KHDRBS2: variants seen among roughly 807,000 people sequenced by gnomAD.
KHDRBS2 encodes the protein KH RNA binding domain containing, signal transduction associated 2.
A neutral mutation model predicts 44.3 loss-of-function variants in KHDRBS2; 26 were observed. That is an observed-to-expected ratio of 0.59 (90% CI 0.43 to 0.81). KHDRBS2 has a LOEUF of 0.81. Among genes scored for constraint, KHDRBS2 ranks in the 40% least tolerant of loss-of-function variants. The probability of loss-of-function intolerance (pLI) is 0.00; values close to 1 mark genes in which losing one functional copy is unlikely to be tolerated. For synonymous variants in KHDRBS2, 194 were observed against 151.1 expected, an observed-to-expected ratio of 1.28 and a Z score of -2.08; for missense variants, 476 against 433.1, an observed-to-expected ratio of 1.10 and a Z score of -0.88.
chr6:62,174,013 C>T (rs1820602015), intron 2 of KHDRBS2, among the ~76,000 whole-genome samples: 1 of 151,784 alleles, frequency 6.6e-6, no homozygotes, highest in Admixed American at 6.6e-5. Context: ...CAGTGACACC[C>T]TCTCTCACTA....
At chr6:61,776,430 C>CA (rs1299236693) in intron 6 of KHDRBS2, among the ~76,000 whole-genome samples, 31 of 151,728 alleles carry the variant, frequency 2.0e-4, no homozygotes, top group Admixed American at 8.5e-4. Flanking sequence ...ACAATGAACT[C>CA]AAACAAATTT....
At chr6:62,133,291 C>A (rs1810766080) in intron 2 of KHDRBS2, among the ~76,000 whole-genome samples, 1 of 152,102 alleles carries the variant, frequency 6.6e-6, no homozygotes, top group African/African-American at 2.4e-5. Context: ...ATCATGGGGG[C>A]AGCTTTCCCC....
intron 6 of KHDRBS2, among the ~76,000 whole-genome samples, chr6:61,859,033 C>T (rs562692493): frequency 6.6e-6 from 1 of 151,854 alleles, no homozygotes; most frequent in African/African-American, 2.4e-5. Flanking sequence ...GGTGAAAGCT[C>T]TTTTACATTG....
the KHDRBS2 span, among the ~76,000 whole-genome samples, chr6:61,624,079 C>T: frequency 1.2e-4 from 18 of 152,208 alleles, no homozygotes; most frequent in South Asian, 4.1e-4. Flanking sequence ...GTAGAAGTAG[C>T]AGAAAGACAT....
chr6:62,039,489 C>T (rs983389454), intron 3 of KHDRBS2, among the ~76,000 whole-genome samples: 2 of 151,734 alleles, frequency 1.3e-5, no homozygotes, highest in Non-Finnish European at 2.9e-5. Context: ...TATTTCTAAA[C>T]TTAATTGCCT....
At chr6:61,852,087 T>C (rs1227985496) in intron 6 of KHDRBS2, among the ~76,000 whole-genome samples, 2 of 151,780 alleles carry the variant, frequency 1.3e-5, no homozygotes, top group East Asian at 3.9e-4. Flanking sequence ...CTGAGCATAG[T>C]AGTGGATGCC....
chr6:62,272,421 A>G (rs1840239544), intron 1 of KHDRBS2, among the ~76,000 whole-genome samples: 1 of 152,212 alleles, frequency 6.6e-6, no homozygotes, highest in African/African-American at 2.4e-5. Flanking sequence ...AGACCTATGT[A>G]GCAGGCTGAG....
the KHDRBS2 span, among the ~76,000 whole-genome samples, chr6:61,628,208 G>GC: frequency 9.2e-6 from 1 of 108,832 alleles, no homozygotes; most frequent in Non-Finnish European, 1.7e-5. Flanking sequence ...TACATGTGTA[G>GC]CCTTTTTTTT....
chr6:61,586,506 T>G, the KHDRBS2 span, among the ~76,000 whole-genome samples: 1,781 of 152,262 alleles, frequency 0.012, 35 homozygotes, highest in African/African-American at 0.041. Flanking sequence ...TGTCCAAGAC[T>G]TTTGTGTTAA....
intron 3 of KHDRBS2, among the ~76,000 whole-genome samples, chr6:62,037,243 G>A (rs540338994): frequency 4.0e-5 from 6 of 151,820 alleles, no homozygotes; most frequent in Non-Finnish European, 7.4e-5. Flanking sequence ...GGATATGTCT[G>A]TTTTTTAATG....
At chr6:61,781,872 A>C (rs895270782) in intron 6 of KHDRBS2, among the ~76,000 whole-genome samples, 1 of 152,186 alleles carries the variant, frequency 6.6e-6, no homozygotes, top group Admixed American at 6.6e-5. Context: ...TGCATGACAG[A>C]AAGAGAAATG....
chr6:61,721,895 G>T lies in KHDRBS2; in HGVS notation c.893+10787C>A, dbSNP rs1165808420. Among the ~76,000 whole-genome samples the T allele has an allele frequency of 1.2e-4, 18 of 145,252 alleles. 1 individual carries two copies. Among genetic ancestry groups the T allele is most frequent in the Admixed American group, 2.1e-4 (3 of 14,100 alleles). ...AATACTTCCAGTTTTTGCCCATTCAGTATGATATTGGCTGTGGGTCTGTCA... is the reference window on the plus strand; with the variant it reads ...AATACTTCCAGTTTTTGCCCATTCATTATGATATTGGCTGTGGGTCTGTCA... On this transcript the variant is annotated intron_variant, in intron 7 of 8. Coordinates refer to ENST00000281156, the MANE Select transcript of KHDRBS2 (RefSeq NM_152688.4).
At chr6:61,711,470 T>TA (rs200386351) in intron 7 of KHDRBS2, among the ~76,000 whole-genome samples, 4,100 of 151,914 alleles carry the variant, frequency 0.027, 79 homozygotes, top group Middle Eastern at 0.082. Context: ...AGGTTTAGGT[T>TA]AAAAAAATCA....
At chr6:61,859,429 G>A (rs1375578499) in intron 6 of KHDRBS2, among the ~76,000 whole-genome samples, 2 of 151,612 alleles carry the variant, frequency 1.3e-5, no homozygotes, top group South Asian at 4.2e-4. Context: ...AGATAAACAC[G>A]ACAAAAATAA....
chr6:61,613,525 A>G, the KHDRBS2 span, among the ~76,000 whole-genome samples: 1 of 152,154 alleles, frequency 6.6e-6, no homozygotes, highest in Non-Finnish European at 1.5e-5. Context: ...ATTAGGTCTC[A>G]TATCTGTCCA....
At chr6:62,279,176 G>A (rs557999383) in intron 1 of KHDRBS2, among the ~76,000 whole-genome samples, 30 of 152,078 alleles carry the variant, frequency 2.0e-4, no homozygotes, top group South Asian at 6.3e-4. Flanking sequence ...AGAAACAAAT[G>A]GGCAGATTCT....
At chr6:61,948,379 T>C (rs1220639570) in intron 4 of KHDRBS2, among the ~76,000 whole-genome samples, 4 of 152,092 alleles carry the variant, frequency 2.6e-5, no homozygotes. Context: ...CACAGTTTTC[T>C]TTTTTAGCTG....
chr6:61,661,777 G>T, the KHDRBS2 span, among the ~76,000 whole-genome samples: 2 of 151,956 alleles, frequency 1.3e-5, no homozygotes, highest in African/African-American at 2.4e-5. Context: ...AACATTCCAT[G>T]CTCATGGGTA....
At chr6:61,803,824 C>A (rs1281163458) in intron 6 of KHDRBS2, among the ~76,000 whole-genome samples, 1 of 152,036 alleles carries the variant, frequency 6.6e-6, no homozygotes, top group Non-Finnish European at 1.5e-5. Context: ...ACCATCAGAT[C>A]TTGTGCGAAC....
Sources: gnomAD v4.1 joint callset for allele counts (sites outside exome capture counted in the v4.1 genomes callset) on GRCh38, gnomAD v4.1.1 for gene constraint, MANE v1.5 for transcripts, NCBI Gene and HGNC (gene_info 2026-07-23, HGNC 2026-07-21) for gene names.